Variants in RYR3 observed in about 807,000 individuals in gnomAD.
RYR3 encodes the protein brain ryanodine receptor-calcium release channel.
Under a neutral mutation model 584.3 loss-of-function variants are expected in RYR3, and 207 were observed. That is an observed-to-expected ratio of 0.35 (90% CI 0.32 to 0.40). The LOEUF is 0.40. Among genes scored for constraint, RYR3 ranks in the 10% least tolerant of loss-of-function variants. The pLI, the probability that RYR3 is intolerant of heterozygous loss-of-function variation, is 1.00. For missense variants in RYR3, 5,616 were observed against 6,089.2 expected (o/e 0.92, Z 2.59); for synonymous variants, 2,416 against 2,248.5 (o/e 1.07, Z -2.11).
At chr15:33,475,084 G>T (rs1416920889) in intron 2 of RYR3, among the ~76,000 whole-genome samples, 2 of 151,736 alleles carry the variant, frequency 1.3e-5, no homozygotes, top group Non-Finnish European at 2.9e-5. Context: ...TTCATTCCCG[G>T]CAGTCTGGGA....
chr15:33,426,837 T>C (rs2044691482), intron 1 of RYR3, among the ~76,000 whole-genome samples: 1 of 152,210 alleles, frequency 6.6e-6, no homozygotes. Context: ...GGTACCAGCA[T>C]GATCAGGTTC....
chr15:33,570,275 T>G (rs1178622235), intron 12 of RYR3, among the ~76,000 whole-genome samples: 1 of 152,130 alleles, frequency 6.6e-6, no homozygotes, highest in East Asian at 1.9e-4. Context: ...AAGGTTTAAA[T>G]TAATATTTTT....
At chr15:33,620,321 C>T (rs537484876) in intron 19 of RYR3, among the ~76,000 whole-genome samples, 2 of 152,158 alleles carry the variant, frequency 1.3e-5, no homozygotes, top group Non-Finnish European at 2.9e-5. Context: ...GTTTGGCTTC[C>T]GAAAAGGGAG....
At chr15:33,811,119 A>T (rs1394709254) in intron 72 of RYR3, 82 bp downstream of exon 72, 3 of 1,133,948 alleles carry the variant, frequency 2.6e-6, no homozygotes, top group Non-Finnish European at 3.9e-6. Context: ...TCATTTACTC[A>T]TGCTTCTTAT....
intron 1 of RYR3, among the ~76,000 whole-genome samples, chr15:33,469,372 A>G (rs780155652): frequency 1.3e-5 from 2 of 152,022 alleles, no homozygotes; most frequent in African/African-American, 4.8e-5. Flanking sequence ...GTTTTTTGAG[A>G]GTGCCATTGA....
rs207475397 is a variant in RYR3 at position 33,768,797 on chromosome 15, C to T, written c.8755+90C>T. On this transcript the variant is annotated intron_variant, in intron 61 of 103. Coordinates refer to ENST00000634891, the MANE Select transcript of RYR3 (RefSeq NM_001036.6). ...TTATTTGTGTCTTCCTCAGACAACC[C>T]GGGCCTTGGGACTAAGGTGTCACCT... 20 of 1,299,254 alleles carry T rather than the reference C, an allele frequency of 1.5e-5. 1 individual carries two copies. The highest frequency in any genetic ancestry group is 6.9e-5 in the East Asian group (3 of 43,356). The allele number at this position is 1,299,254 out of a possible 1,614,324, so 80.5% of individuals were successfully genotyped here. A position where few individuals can be genotyped will look rare whatever the true frequency, so the allele number is the denominator to read the frequency against.
rs141563422 is a variant in RYR3 at position 33,834,199 on chromosome 15, A to G, written c.11464-769A>G. 9.8e-3 allele frequency among the ~76,000 whole-genome samples: 1,489 copies of G among 151,976 alleles called. 28 individuals carry two copies. The highest frequency in any genetic ancestry group is 0.035 in the African/African-American group (1,432 of 41,482). ...CTTGGGAGGCTGAGTCACAAGAATC[A>G]TTTGAACCCAGTGAGCAGAGGTTGC... On this transcript the variant is annotated intron_variant, in intron 86 of 103. Coordinates refer to ENST00000634891, the MANE Select transcript of RYR3 (RefSeq NM_001036.6).
chr15:33,647,859 A>C (rs1393162750), intron 30 of RYR3, among the ~76,000 whole-genome samples: 1 of 152,162 alleles, frequency 6.6e-6, no homozygotes, highest in Non-Finnish European at 1.5e-5. Context: ...AGTGATGTTA[A>C]AAGCAATCAA....
chr15:33,765,752 G>T (rs917039116), intron 60 of RYR3, among the ~76,000 whole-genome samples: 3 of 152,058 alleles, frequency 2.0e-5, no homozygotes, highest in African/African-American at 4.8e-5. Flanking sequence ...TCTTGGGGAG[G>T]ATATTCAACT....
At chr15:33,642,050 T>C (rs1467765777) in intron 27 of RYR3, among the ~76,000 whole-genome samples, 4 of 152,198 alleles carry the variant, frequency 2.6e-5, no homozygotes, top group Non-Finnish European at 4.4e-5. Context: ...ACTCCTCATG[T>C]TCTTAGTTTT....
At chr15:33,397,084 G>GA (rs1407733779) in intron 1 of RYR3, among the ~76,000 whole-genome samples, 4 of 152,224 alleles carry the variant, frequency 2.6e-5, no homozygotes, top group East Asian at 1.9e-4. Context: ...ATTGTTAACT[G>GA]AAAAAATTAC....
At chr15:33,382,681 A>G (rs1273764425) in intron 1 of RYR3, among the ~76,000 whole-genome samples, 1 of 152,200 alleles carries the variant, frequency 6.6e-6, no homozygotes, top group Non-Finnish European at 1.5e-5. Context: ...ATCTGTGTAC[A>G]TTCATATGAC....
At chr15:33,678,035 T>C (rs10519855) in intron 38 of RYR3, among the ~76,000 whole-genome samples, 25,571 of 152,110 alleles carry the variant, frequency 0.17, 2,507 homozygotes, top group Admixed American at 0.31. Context: ...GAGGCTTGGG[T>C]TAAGAAGGGC....
At chr15:33,822,972 C>G in intron 80 of RYR3, 24 bp from the exon 81 acceptor site, 1 of 1,600,594 alleles carries the variant, frequency 6.2e-7, no homozygotes, top group Non-Finnish European at 8.5e-7. Flanking sequence ...TCGCTTTTCC[C>G]CTTACAACGT....
chr15:33,840,994 G>A, intron 90 of RYR3, 111 bp downstream of exon 90: 3 of 967,356 alleles, frequency 3.1e-6, no homozygotes, highest in Non-Finnish European at 4.8e-6. Flanking sequence ...GAGGCTGGAG[G>A]ATCACTTGAA....
chr15:33,836,831 G>T, intron 87 of RYR3, 75 bp from the exon 88 acceptor site: 1 of 1,181,894 alleles, frequency 8.5e-7, no homozygotes, highest in Non-Finnish European at 1.2e-6. Context: ...TTCCAGAGCA[G>T]GCTCTTCTCG....
intron 1 of RYR3, among the ~76,000 whole-genome samples, chr15:33,452,198 T>G (rs2047188811): frequency 1.3e-5 from 2 of 152,222 alleles, no homozygotes; most frequent in South Asian, 2.1e-4. Context: ...TGAAAGGGAA[T>G]GTTTCTCATT....
Position 33,476,540 on chromosome 15 carries a change from C to G in RYR3, c.171+3002C>G, listed in dbSNP as rs529506777. ...TACTCATACTGGTTATTCAGACATT[C>G]TCTGTTTTGGGTTTTTTCTTTACTA... On this transcript the variant is annotated intron_variant, in intron 2 of 103. Transcript: ENST00000634891. 7.2e-5 allele frequency among the ~76,000 whole-genome samples: 11 copies of G among 152,220 alleles called. No homozygotes were observed. In the East Asian group the frequency reaches 1.2e-3, roughly 16 times the overall value.
At chr15:33,655,656 G>A (rs1284064607) in intron 32 of RYR3, among the ~76,000 whole-genome samples, 19 of 152,212 alleles carry the variant, frequency 1.2e-4, no homozygotes, top group Non-Finnish European at 2.5e-4. Context: ...CCTGCTCAGC[G>A]ATCCCAGTCC....
Sources: allele counts gnomAD v4.1 joint callset (sites outside exome capture counted in the v4.1 genomes callset), GRCh38; gene constraint gnomAD v4.1.1; transcripts MANE v1.5; gene names NCBI Gene and HGNC (gene_info 2026-07-23, HGNC 2026-07-21).